The following ACP1 variants were observed in gnomAD, a reference collection of about 807,000 sequenced individuals.
The protein encoded by ACP1 is low molecular weight phosphotyrosine protein phosphatase.
A neutral mutation model predicts 23.4 loss-of-function variants in ACP1; 23 were observed. The ratio of observed to expected loss-of-function variants is 0.98; its 90% CI spans 0.71 to 1.39. The LOEUF (loss-of-function observed/expected upper bound fraction) is 1.39, where lower values mean the gene tolerates loss of function less well. Ranked by LOEUF, ACP1 falls within the 40% of genes most tolerant of loss-of-function variation. ACP1 has a pLI of 0.00. For missense variants in ACP1, 180 were observed against 197.7 expected (o/e 0.91, Z 0.54); for synonymous variants, 72 against 67.2 (o/e 1.07, Z -0.35).
In ACP1 at chr2:277,164, T is replaced by C. The variant is rs1670197212; in HGVS notation, c.400-63T>C. 4.4e-6 allele frequency: 7 copies of C among 1,584,174 alleles called. No homozygotes were observed. The Admixed American group carries it at 5.0e-5, about 11-fold the overall frequency. On this transcript the variant is annotated intron_variant, in intron 5 of 5. Transcript: ENST00000272065. ...CTGCCATATTAAATAACAGATGAGATTGTGTTAAGGATGTTTTTGTTATGC... is the reference window on the plus strand; with the variant it reads ...CTGCCATATTAAATAACAGATGAGACTGTGTTAAGGATGTTTTTGTTATGC...
chr2:272,499 A>G (rs1419467764), intron 3 of ACP1: 1 of 1,429,848 alleles, frequency 7.0e-7, no homozygotes. Context: ...TTTACTTATT[A>G]AAATGCACAT....
chr2:276,851 T>TC (rs1670187208), intron 4 of ACP1, 129 bp from the exon 5 acceptor site: 1 of 633,752 alleles, frequency 1.6e-6, no homozygotes, highest in African/African-American at 1.8e-5. Flanking sequence ...TGCTGAGTGT[T>TC]CCGTTTCATT....
chr2:277,702 G>A lies in ACP1; in HGVS notation c.*398G>A, dbSNP rs1266403763. 4 of 233,636 alleles carry A rather than the reference G, an allele frequency of 1.7e-5. No individual in the cohort carries two copies. Among genetic ancestry groups the A allele is most frequent in the Non-Finnish European group, 3.4e-5 (4 of 116,782 alleles). 14.5% of individuals were successfully genotyped at this position (233,636 alleles called of 1,614,324 possible). On this transcript the variant is annotated 3_prime_UTR_variant, in exon 6 of 6. Transcript: ENST00000272065. Reference sequence around the variant, plus strand: ...TAGGTTTGTGTGGATGGCCTGGAGGGCAGGTGCCCTCTGCTCCCCAGTGCT... The same window carrying A: ...TAGGTTTGTGTGGATGGCCTGGAGGACAGGTGCCCTCTGCTCCCCAGTGCT...
chr2:275,131 C>G lies in ACP1; in HGVS notation c.232-9C>G. 1 of 1,455,310 alleles carries G rather than the reference C, an allele frequency of 6.9e-7. No homozygotes were observed. Among genetic ancestry groups the G allele is most frequent in the Non-Finnish European group, 9.5e-7 (1 of 1,052,758 alleles). The allele number at this position is 1,455,310 out of a possible 1,614,324, so 90.1% of individuals were successfully genotyped here. On this transcript the variant is annotated splice_polypyrimidine_tract_variant and intron_variant, in intron 3 of 5. Transcript: ENST00000272065. ...AAACACTGTGTTTTGACTTCTTATT[C>G]AATTTTAGATTACCAAAGAAGATTT...
intron 1 of ACP1, chr2:269,263 C>A (rs1669970465): frequency 2.1e-6 from 1 of 467,742 alleles, no homozygotes; most frequent in African/African-American, 2.0e-5. Context: ...AGAGGGTATT[C>A]AAGGCTAATT....
chr2:276,547 T>C lies in ACP1; in HGVS notation c.294-433T>C, dbSNP rs940081498. The stretch of plus-strand genomic sequence containing the variant: ...TCAGCTTGGGCAGAGGCTTAAGGAA[T>C]AAAAGATGGAAGAGTAATTAAGGAG... On this transcript the variant is annotated intron_variant, in intron 4 of 5. Transcript: ENST00000272065. 2.6e-5 allele frequency among the ~76,000 whole-genome samples: 4 copies of C among 152,242 alleles called. No homozygotes were observed. In the East Asian group the frequency reaches 7.7e-4, roughly 29 times the overall value.
chr2:276,147 C>T (rs576209366), intron 4 of ACP1, among the ~76,000 whole-genome samples: 7 of 152,268 alleles, frequency 4.6e-5, no homozygotes, highest in Non-Finnish European at 8.8e-5. Flanking sequence ...CACATTTGCA[C>T]GTGCTGTTCC....
chr2:265,085 G>A, intron 1 of ACP1, 78 bp downstream of exon 1: 1 of 1,572,788 alleles, frequency 6.4e-7, no homozygotes, highest in East Asian at 2.3e-5. Flanking sequence ...AGGTTGTGCC[G>A]CCGGCCTAGG....
In ACP1 at chr2:277,916, A is replaced by C. The variant is rs55951179; in HGVS notation, c.*612A>C. ...CTTCAATACTTCATGATTTTTGTCGAGTTTACTTCATGAGGAGGTCAGCCC... is the reference window on the plus strand; with the variant it reads ...CTTCAATACTTCATGATTTTTGTCGCGTTTACTTCATGAGGAGGTCAGCCC... On this transcript the variant is annotated 3_prime_UTR_variant, in exon 6 of 6. Coordinates refer to ENST00000272065, the MANE Select transcript of ACP1 (RefSeq NM_004300.4). 1 of 152,788 alleles carries C rather than the reference A, an allele frequency of 6.5e-6. No homozygotes were observed. The highest frequency in any genetic ancestry group is 1.5e-5 in the Non-Finnish European group (1 of 68,376). 9.5% of individuals were successfully genotyped at this position (152,788 alleles called of 1,614,324 possible).
At position 264,979 on chromosome 2, in the gene ACP1, T is replaced by C. The variant is rs780131557; in HGVS notation, c.15T>C (p.Ala5=). MAEQ[A]TKSVLFVCLG... ...CGCGCGGGAAGATGGCGGAACAGGC[T>C]ACCAAGTCCGTGCTGTTTGTGTGTC... The change falls in exon 1 of 6, where the codon GCT becomes GCC. Residue 5 remains alanine, a synonymous_variant. Transcript: ENST00000272065. 18 of 1,612,888 alleles carry C rather than the reference T, an allele frequency of 1.1e-5. No individual in the cohort carries two copies. Among genetic ancestry groups the C allele is most frequent in the Non-Finnish European group, 1.1e-5 (13 of 1,179,540 alleles).
chr2:274,267 G>A (rs1361096825), intron 3 of ACP1, among the ~76,000 whole-genome samples: 1 of 152,190 alleles, frequency 6.6e-6, no homozygotes, highest in Non-Finnish European at 1.5e-5. Context: ...GCTACTGGAA[G>A]TGCATACTAA....
At chr2:271,412 G>C (rs564436371) in intron 1 of ACP1, among the ~76,000 whole-genome samples, 1 of 152,106 alleles carries the variant, frequency 6.6e-6, no homozygotes, top group Admixed American at 6.5e-5. Flanking sequence ...GAGTATGCAC[G>C]TTTTGGTATA....
At chr2:267,036 T>G (rs1224761095) in intron 1 of ACP1, among the ~76,000 whole-genome samples, 2 of 152,194 alleles carry the variant, frequency 1.3e-5, no homozygotes, top group Non-Finnish European at 2.9e-5. Context: ...CGTGTTTCAC[T>G]TCTGGGGCAG....
chr2:276,829 GC>G (rs2103076802), intron 4 of ACP1, 150 bp from the exon 5 acceptor site: 1 of 596,190 alleles, frequency 1.7e-6, no homozygotes, highest in East Asian at 2.9e-5. Context: ...TGCAGAAGGG[GC>G]CACACGGGCC....
intron 4 of ACP1, among the ~76,000 whole-genome samples, chr2:276,256 C>A (rs1409385952): frequency 6.6e-6 from 1 of 152,154 alleles, no homozygotes; most frequent in East Asian, 1.9e-4. Flanking sequence ...TATTCTGCTG[C>A]CCTGTCATTA....
At position 270,865 on chromosome 2, in the gene ACP1, GTT is replaced by G. The variant is rs767696897; in HGVS notation, c.44-997_44-996del. 1.3e-3 allele frequency among the ~76,000 whole-genome samples: 170 copies of G among 132,390 alleles called. 1 individual carries two copies. Among genetic ancestry groups the G allele is most frequent in the Admixed American group, 2.9e-3 (38 of 13,008 alleles). 86.9% of individuals were successfully genotyped at this position (132,390 alleles called of 152,430 possible). A position where few individuals can be genotyped will look rare whatever the true frequency, so the allele number is the denominator to read the frequency against. On this transcript the variant is annotated intron_variant, in intron 1 of 5. Coordinates refer to ENST00000272065, the MANE Select transcript of ACP1 (RefSeq NM_004300.4). ...CTTTGGCTGTTTTGTTTGTTTGTTT[GTT>G]TTTGTTTTTGTTGCTGTTACTATAA... is the stretch of plus-strand genomic sequence containing the variant.
intron 1 of ACP1, among the ~76,000 whole-genome samples, chr2:271,159 GTTTGTGT>G (rs1253515750): frequency 6.6e-6 from 1 of 152,182 alleles, no homozygotes; most frequent in Admixed American, 6.5e-5. Flanking sequence ...TTAAATGCAT[GTTTGTGT>G]GTTTGTGTAT....
rs114190930 is a variant in ACP1 at position 265,154 on chromosome 2, G to A, written c.43+147G>A. On this transcript the variant is annotated intron_variant, in intron 1 of 5. Transcript: ENST00000272065. The stretch of plus-strand genomic sequence containing the variant: ...GCCTAGGGTGTTCTAGGAGTGTGCC[G>A]CAGCGCCCCTGTTCCCCATCCGCCC... 5,774 of 879,998 alleles carry A rather than the reference G, an allele frequency of 6.6e-3. 21 individuals are homozygous for A. The highest frequency in any genetic ancestry group is 8.5e-3 in the Non-Finnish European group (5,057 of 597,606). The allele number at this position is 879,998 out of a possible 1,614,324, so 54.5% of individuals were successfully genotyped here.
chr2:274,227 G>A (rs1670114604), intron 3 of ACP1, among the ~76,000 whole-genome samples: 1 of 152,152 alleles, frequency 6.6e-6, no homozygotes, highest in African/African-American at 2.4e-5. Context: ...TCAATGTCAT[G>A]GGAGTGTTGA....
Sources: gnomAD v4.1 joint callset for allele counts (sites outside exome capture counted in the v4.1 genomes callset) on GRCh38, gnomAD v4.1.1 for gene constraint, MANE v1.5 for transcripts, NCBI Gene and HGNC (gene_info 2026-07-23, HGNC 2026-07-21) for gene names.